Variants in TSTD2 observed in about 807,000 individuals in gnomAD.
TSTD2 encodes thiosulfate sulfurtransferase like domain containing 2.
A neutral mutation model predicts 47.9 loss-of-function variants in TSTD2; 37 were observed. That is an observed-to-expected ratio of 0.77 (90% CI 0.59 to 1.02). The LOEUF is 1.02. Ranked by LOEUF, TSTD2 falls within the 50% of genes least tolerant of loss-of-function variation. TSTD2 has a pLI of 0.00. For missense variants in TSTD2, 586 were observed against 616.0 expected, an observed-to-expected ratio of 0.95 and a Z score of 0.52; for synonymous variants, 201 against 215.9, an observed-to-expected ratio of 0.93 and a Z score of 0.61.
chr9:97,620,022 A>C (rs543679204), intron 3 of TSTD2, among the ~76,000 whole-genome samples: 2 of 152,304 alleles, frequency 1.3e-5, no homozygotes, highest in South Asian at 4.1e-4. Flanking sequence ...CCTAAAACAT[A>C]TTCAGCTCAG....
intron 3 of TSTD2, among the ~76,000 whole-genome samples, chr9:97,622,777 TG>T (rs1423159080): frequency 6.6e-6 from 1 of 152,266 alleles, no homozygotes; most frequent in African/African-American, 2.4e-5. Flanking sequence ...ACTGCCCTGC[TG>T]GATTTAGGAC....
intron 9 of TSTD2, chr9:97,603,149 G>T (rs1034100): frequency 0.092 from 18,493 of 200,418 alleles, 3,063 homozygotes; most frequent in African/African-American, 0.37. Flanking sequence ...CCTTTTCCAG[G>T]GGGGACAACA....
intron 6 of TSTD2, among the ~76,000 whole-genome samples, chr9:97,608,147 C>T (rs1431214416): frequency 6.6e-6 from 1 of 152,170 alleles, no homozygotes; most frequent in African/African-American, 2.4e-5. Context: ...TGCGCCACTG[C>T]ACCCCAACCT....
rs755400471 is a variant in TSTD2, at chr9:97,617,915, C to T, written c.483-38G>A. On this transcript the variant is annotated intron_variant, in intron 3 of 9. Transcript: ENST00000341170. ...AATCCAAGGCAAAGAGCATTTGAGT[C>T]GCTGGCATAAAGAAGTCACAATTCA... 31 of 1,594,770 alleles carry T rather than the reference C, an allele frequency of 1.9e-5. No individual in the cohort carries two copies. The South Asian group carries it at 2.7e-4, about 14-fold the overall frequency.
chr9:97,619,280 T>C (rs7046732), intron 3 of TSTD2, among the ~76,000 whole-genome samples: 2,744 of 152,288 alleles, frequency 0.018, 103 homozygotes, highest in African/African-American at 0.062. Flanking sequence ...TGAGTAGTAA[T>C]GACAAAAATT....
At position 97,601,244 on chromosome 9, in the gene TSTD2, T is replaced by G; in HGVS notation, c.*1225A>C. On this transcript the variant is annotated 3_prime_UTR_variant, in exon 10 of 10. Transcript: ENST00000341170. ...AACTGCAATATAATATTAAATCTGT[T>G]GGTCTATGCATGGCTGCGTATGTGT... The G allele has an allele frequency of 8.0e-7, 1 of 1,255,388 alleles. No individual in the cohort carries two copies. The highest frequency in any genetic ancestry group is 1.0e-6 in the Non-Finnish European group (1 of 962,110). The allele number at this position is 1,255,388 out of a possible 1,614,324, so 77.8% of individuals were successfully genotyped here. A position where few individuals can be genotyped will look rare whatever the true frequency, so the allele number is the denominator to read the frequency against.
chr9:97,611,492 C>T, intron 5 of TSTD2, 82 bp downstream of exon 5: 1 of 1,448,086 alleles, frequency 6.9e-7, no homozygotes, highest in Non-Finnish European at 9.3e-7. Flanking sequence ...GCTTATTTCT[C>T]TACTTTGAAC....
At chr9:97,620,388 T>C (rs1251198319) in intron 3 of TSTD2, among the ~76,000 whole-genome samples, 1 of 152,214 alleles carries the variant, frequency 6.6e-6, no homozygotes, top group Non-Finnish European at 1.5e-5. Context: ...TTGCCCAGTC[T>C]TGGGTATGTC....
intron 2 of TSTD2, chr9:97,627,162 G>C: frequency 1.6e-6 from 1 of 633,804 alleles, no homozygotes; most frequent in Non-Finnish European, 2.1e-6. Flanking sequence ...TGGGGGGTGG[G>C]GAATGAAATC....
chr9:97,610,234 C>T, intron 6 of TSTD2, 112 bp downstream of exon 6: 1 of 860,734 alleles, frequency 1.2e-6, no homozygotes, highest in East Asian at 2.8e-5. Flanking sequence ...CACCCCACAG[C>T]TGCTTTAGAG....
At position 97,600,790 on chromosome 9, in the gene TSTD2, G is replaced by A. The variant is rs1477387272; in HGVS notation, c.*1679C>T. The A allele has an allele frequency of 9.4e-7, 1 of 1,069,164 alleles. No homozygotes were observed. The highest frequency in any genetic ancestry group is 1.1e-6 in the Non-Finnish European group (1 of 877,968). The allele number at this position is 1,069,164 out of a possible 1,614,324, so 66.2% of individuals were successfully genotyped here. ...CCCAAGATGATTACACTGAAATGTA[G>A]TATTAGTACTGCTGCCAGATCTCTT... On this transcript the variant is annotated 3_prime_UTR_variant, in exon 10 of 10. Transcript: ENST00000341170.
At chr9:97,617,078 A>G (rs1466824246) in intron 4 of TSTD2, among the ~76,000 whole-genome samples, 3 of 152,264 alleles carry the variant, frequency 2.0e-5, no homozygotes, top group Non-Finnish European at 4.4e-5. Context: ...AATGAAGATT[A>G]TACTTTCAGA....
chr9:97,611,138 C>A (rs923949235), intron 5 of TSTD2: 1 of 159,492 alleles, frequency 6.3e-6, no homozygotes, highest in Admixed American at 5.8e-5. Context: ...GAGAAAAGCA[C>A]ATTTAAAGGG....
At chr9:97,627,926 A>G (rs778352242) in intron 1 of TSTD2, among the ~76,000 whole-genome samples, 1 of 152,250 alleles carries the variant, frequency 6.6e-6, no homozygotes, top group Non-Finnish European at 1.5e-5. Flanking sequence ...TATGAAGAAT[A>G]ATCAGCAGGG....
chr9:97,628,360 G>C (rs927878690), intron 1 of TSTD2, among the ~76,000 whole-genome samples: 2 of 152,142 alleles, frequency 1.3e-5, no homozygotes, highest in Non-Finnish European at 2.9e-5. Flanking sequence ...ATGGGCTTTG[G>C]TTTGTGCTGC....
chr9:97,615,528 C>CT (rs1826530600), intron 4 of TSTD2, among the ~76,000 whole-genome samples: 1 of 152,110 alleles, frequency 6.6e-6, no homozygotes, highest in African/African-American at 2.4e-5. Flanking sequence ...AGAGTAGAGG[C>CT]TTTTTTCCCA....
In TSTD2 at chr9:97,621,185, A is replaced by G. The variant is rs9942953; in HGVS notation, c.483-3308T>C. Among the ~76,000 whole-genome samples the G allele has an allele frequency of 4.8e-3, 726 of 152,286 alleles. 4 individuals carry two copies. The highest frequency in any genetic ancestry group is 0.016 in the African/African-American group (670 of 41,552). ...ATAATTTATGCCTGTCTTTACTGCAATCTCTAAACATAAATTGTGAAGATT... is the reference window on the plus strand; with the variant it reads ...ATAATTTATGCCTGTCTTTACTGCAGTCTCTAAACATAAATTGTGAAGATT... On this transcript the variant is annotated intron_variant, in intron 3 of 9. Coordinates refer to ENST00000341170, the MANE Select transcript of TSTD2 (RefSeq NM_139246.5).
intron 4 of TSTD2, among the ~76,000 whole-genome samples, chr9:97,613,713 T>C (rs781605930): frequency 6.6e-6 from 1 of 152,162 alleles, no homozygotes; most frequent in Non-Finnish European, 1.5e-5. Flanking sequence ...CCTATATTGT[T>C]CTAGTCATAT....
intron 4 of TSTD2, 151 bp from the exon 5 acceptor site, chr9:97,611,850 C>G (rs1826466570): frequency 1.3e-6 from 1 of 767,722 alleles, no homozygotes; most frequent in East Asian, 2.6e-5. Flanking sequence ...ACAAAGATAT[C>G]TGTGTTTTTC....
Sources: gnomAD v4.1 joint callset for allele counts (sites outside exome capture counted in the v4.1 genomes callset) on GRCh38, gnomAD v4.1.1 for gene constraint, MANE v1.5 for transcripts, NCBI Gene and HGNC (gene_info 2026-07-23, HGNC 2026-07-21) for gene names.